Variants in EPB41L4A observed in about 807,000 individuals in gnomAD.
EPB41L4A encodes band 4.1-like protein 4A.
In EPB41L4A, 100 loss-of-function variants were observed where a neutral mutation model predicts 108.6. The ratio of observed to expected loss-of-function variants is 0.92; its 90% CI spans 0.78 to 1.09. EPB41L4A has a LOEUF of 1.09. EPB41L4A is among the 50% of genes least tolerant of loss of function. The probability of loss-of-function intolerance (pLI) is 0.00; values close to 1 mark genes in which losing one functional copy is unlikely to be tolerated. For synonymous variants in EPB41L4A, 319 were observed against 289.0 expected (o/e 1.10, Z -1.05); for missense variants, 1,030 against 842.7 (o/e 1.22, Z -2.75).
chr5:112,300,643 C>A (rs72781672), intron 2 of EPB41L4A, among the ~76,000 whole-genome samples: 9,329 of 151,998 alleles, frequency 0.061, 323 homozygotes, highest in Non-Finnish European at 0.068. Flanking sequence ...GATCTTTTTG[C>A]AATTTGCCAG....
intron 1 of EPB41L4A, among the ~76,000 whole-genome samples, chr5:112,411,407 C>A (rs1762404447): frequency 6.6e-6 from 1 of 152,138 alleles, no homozygotes; most frequent in Non-Finnish European, 1.5e-5. Flanking sequence ...CCTCGGAGAA[C>A]CTGTGCAACC....
At chr5:112,260,676 T>A (rs1751433415) in intron 7 of EPB41L4A, among the ~76,000 whole-genome samples, 1 of 152,180 alleles carries the variant, frequency 6.6e-6, no homozygotes, top group Non-Finnish European at 1.5e-5. Flanking sequence ...TAGAGAACCT[T>A]TATTTTAAGG....
chr5:112,173,432 T>C (rs1276985186), intron 18 of EPB41L4A: 1 of 152,158 alleles, frequency 6.6e-6, no homozygotes, highest in African/African-American at 2.4e-5. Flanking sequence ...ACAGTGGATA[T>C]GTCTGAGTGC....
chr5:112,240,940 G>A (rs1749740139), intron 9 of EPB41L4A, 130 bp from the exon 10 acceptor site: 2 of 556,612 alleles, frequency 3.6e-6, no homozygotes, highest in East Asian at 6.9e-5. Context: ...AATAATAACT[G>A]TCTCTTGGTA....
At chr5:112,305,221 T>C (rs531678439) in intron 2 of EPB41L4A, among the ~76,000 whole-genome samples, 8 of 152,254 alleles carry the variant, frequency 5.3e-5, no homozygotes, top group Admixed American at 3.9e-4. Flanking sequence ...AACAGAAAGA[T>C]AATAATACTT....
At chr5:112,395,357 A>T (rs1761258572) in intron 1 of EPB41L4A, among the ~76,000 whole-genome samples, 1 of 152,172 alleles carries the variant, frequency 6.6e-6, no homozygotes, top group Non-Finnish European at 1.5e-5. Context: ...CTGACAAAGG[A>T]CTAATATCCA....
intron 1 of EPB41L4A, among the ~76,000 whole-genome samples, chr5:112,321,665 CAAAAGAATACT>C (rs899634616): frequency 1.3e-4 from 20 of 152,114 alleles, no homozygotes; most frequent in Non-Finnish European, 1.3e-4. Flanking sequence ...GTACCACAAC[CAAAAGAATACT>C]GAGAGAATAC....
chr5:112,142,462 T>C (rs1293488715), exon 14 of EPB41L4A: 1 of 152,240 alleles, frequency 6.6e-6, no homozygotes, highest in Admixed American at 6.5e-5. Context: ...CTTCATTTTA[T>C]TGTGGATACA....
At chr5:112,378,393 A>G (rs990921113) in intron 1 of EPB41L4A, among the ~76,000 whole-genome samples, 1 of 152,208 alleles carries the variant, frequency 6.6e-6, no homozygotes, top group African/African-American at 2.4e-5. Context: ...AATCTTTTCT[A>G]TCCGTCAGAA....
intron 2 of EPB41L4A, among the ~76,000 whole-genome samples, chr5:112,287,110 A>C (rs866792290): frequency 8.5e-5 from 13 of 152,172 alleles, no homozygotes; most frequent in African/African-American, 3.1e-4. Flanking sequence ...CCTCACATCA[A>C]GGCTCATGGC....
chr5:112,270,183 C>A (rs955631072), intron 4 of EPB41L4A, among the ~76,000 whole-genome samples: 3 of 152,154 alleles, frequency 2.0e-5, no homozygotes, highest in African/African-American at 7.2e-5. Context: ...CAAGAACAGT[C>A]ATGAATGCTT....
At chr5:112,418,392 A>C (rs1233408999) in intron 1 of EPB41L4A, among the ~76,000 whole-genome samples, 4 of 152,188 alleles carry the variant, frequency 2.6e-5, no homozygotes, top group Non-Finnish European at 4.4e-5. Context: ...TGTTTACTTA[A>C]ATGTGAGGAT....
chr5:112,157,074 G>A (rs905084247), intron 12 of EPB41L4A, among the ~76,000 whole-genome samples: 11 of 151,150 alleles, frequency 7.3e-5, no homozygotes, highest in South Asian at 6.4e-4. Flanking sequence ...TTGAGACAGC[G>A]TAATATTGAC....
chr5:112,298,159 T>C (rs555874668), intron 2 of EPB41L4A, among the ~76,000 whole-genome samples: 78 of 152,292 alleles, frequency 5.1e-4, no homozygotes, highest in African/African-American at 1.9e-3. Flanking sequence ...TCTAGTTCTG[T>C]GAAGAATGAT....
chr5:112,213,208 T>C (rs1349667157), intron 12 of EPB41L4A, among the ~76,000 whole-genome samples: 1 of 152,160 alleles, frequency 6.6e-6, no homozygotes, highest in Non-Finnish European at 1.5e-5. Flanking sequence ...TCAGGACTAA[T>C]TTACTAATGT....
chr5:112,164,422 G>A lies in EPB41L4A; in HGVS notation c.*568C>T, dbSNP rs998279908. The A allele has an allele frequency of 3.9e-5, 6 of 152,172 alleles. No homozygotes were observed. The highest frequency in any genetic ancestry group is 1.4e-4 in the African/African-American group (6 of 41,422). The allele number at this position is 152,172 out of a possible 1,614,324, so 9.4% of individuals were successfully genotyped here. A position where few individuals can be genotyped will look rare whatever the true frequency, so the allele number is the denominator to read the frequency against. On this transcript the variant is annotated 3_prime_UTR_variant, in exon 23 of 23. Transcript: ENST00000261486. ...TCATCAGATGCATCTGGTCTTGGTT[G>A]TGGTGGACACAGACACAAGATAGAA...
intron 7 of EPB41L4A, among the ~76,000 whole-genome samples, chr5:112,260,573 T>C (rs1751426397): frequency 6.6e-6 from 1 of 152,202 alleles, no homozygotes; most frequent in East Asian, 1.9e-4. Flanking sequence ...CACACTTGAA[T>C]TTTTTGAAGT....
At chr5:112,203,660 A>C (rs1025301081) in intron 15 of EPB41L4A, among the ~76,000 whole-genome samples, 1 of 152,194 alleles carries the variant, frequency 6.6e-6, no homozygotes, top group African/African-American at 2.4e-5. Context: ...TCTGTGCTTT[A>C]AAAGGCGTTT....
At chr5:112,329,467 C>G (rs1676455136) in intron 1 of EPB41L4A, among the ~76,000 whole-genome samples, 1 of 152,194 alleles carries the variant, frequency 6.6e-6, no homozygotes, top group African/African-American at 2.4e-5. Context: ...CCTGGCTCTG[C>G]TATTAACTAG....
Sources: allele counts gnomAD v4.1 joint callset (sites outside exome capture counted in the v4.1 genomes callset), GRCh38; gene constraint gnomAD v4.1.1; transcripts MANE v1.5; gene names NCBI Gene and HGNC (gene_info 2026-07-23, HGNC 2026-07-21).